Variants in AJAP1 observed in about 807,000 individuals in gnomAD.
AJAP1 encodes the protein adherens junctions associated protein 1, also known as adherens junction-associated protein 1.
AJAP1 carries 5 observed loss-of-function variants against 35.0 expected under a neutral mutation model. The ratio of observed to expected loss-of-function variants is 0.14; its 90% CI spans 0.07 to 0.30. The LOEUF (loss-of-function observed/expected upper bound fraction) is 0.30. AJAP1 is among the 10% of genes least tolerant of loss of function. AJAP1 has a pLI of 1.00. For synonymous variants in AJAP1, 284 were observed against 249.3 expected (o/e 1.14, Z -1.31); for missense variants, 586 against 571.0 (o/e 1.03, Z -0.27).
Position 4,660,778 on chromosome 1 carries a change from C to T in AJAP1, c.29+5324C>T, listed in dbSNP as rs115536367. On this transcript the variant is annotated intron_variant, in intron 1 of 5. Transcript: ENST00000378191. ...TATGTCTCTACCACATATTTTAGAA[C>T]GAAAAATTCAGCAGCATATGAACGT... Among the ~76,000 whole-genome samples, 970 of 152,136 alleles carry T rather than the reference C, an allele frequency of 6.4e-3. 10 individuals are homozygous for T. Among genetic ancestry groups the T allele is most frequent in the African/African-American group, 0.022 (915 of 41,510 alleles).
intron 2 of AJAP1, among the ~76,000 whole-genome samples, chr1:4,748,137 G>A (rs915914015): frequency 6.6e-6 from 1 of 152,030 alleles, no homozygotes; most frequent in African/African-American, 2.4e-5. Flanking sequence ...GACCTTCAGA[G>A]CCACTGCCTC....
At chr1:4,781,806 C>T (rs1201308959) in intron 5 of AJAP1, among the ~76,000 whole-genome samples, 1 of 152,228 alleles carries the variant, frequency 6.6e-6, no homozygotes, top group East Asian at 1.9e-4. Context: ...GGATGCTGAC[C>T]TACTGGGGGC....
chr1:4,787,747 G>A lies in AJAP1; in HGVS notation c.*5262G>A, dbSNP rs1310819441. On this transcript the variant is annotated 3_prime_UTR_variant, in exon 6 of 6. Transcript: ENST00000378191. ...AGGTCTCAGGTCAGCCAGGTCTCAA[G>A]GAGGATAAGGGGGTTCAACGTCAGC... 1 of 455,638 alleles carries A rather than the reference G, an allele frequency of 2.2e-6. No homozygotes were observed. The highest frequency in any genetic ancestry group is 2.4e-5 in the Admixed American group (1 of 42,448). The allele number at this position is 455,638 out of a possible 1,614,324, so 28.2% of individuals were successfully genotyped here.
chr1:4,664,495 CCCA>C (rs1639073163), intron 1 of AJAP1, among the ~76,000 whole-genome samples: 1 of 152,166 alleles, frequency 6.6e-6, no homozygotes, highest in Admixed American at 6.5e-5. Context: ...GGTGGTTGGG[CCCA>C]AGGGTCAGCC....
At chr1:4,677,504 T>G (rs1639387443) in intron 1 of AJAP1, among the ~76,000 whole-genome samples, 1 of 151,956 alleles carries the variant, frequency 6.6e-6, no homozygotes, top group African/African-American at 2.4e-5. Flanking sequence ...TCTCTCCTCT[T>G]TCCAGAGGGG....
Position 4,782,038 on chromosome 1 carries a change from T to C in AJAP1, c.*60-507T>C, listed in dbSNP as rs773163236. ...CAGTCCATTTATCTCTCCCGAATTC[T>C]GGCCTCGGGGATCCTGCAGCTGAGT... On this transcript the variant is annotated intron_variant, in intron 5 of 5. Transcript: ENST00000378191. This position sits in a 1 kb window ranked among gnomAD's most constrained non-coding sequence, Gnocchi z 5.3. 1.3e-5 allele frequency among the ~76,000 whole-genome samples: 2 copies of C among 152,190 alleles called. No individual in the cohort carries two copies. The highest frequency in any genetic ancestry group is 2.9e-5 in the Non-Finnish European group (2 of 68,026).
chr1:4,665,440 GC>G (rs1639095372), intron 1 of AJAP1, among the ~76,000 whole-genome samples: 1 of 152,132 alleles, frequency 6.6e-6, no homozygotes, highest in Admixed American at 6.5e-5. Context: ...AACACTCACA[GC>G]TCCAGGTTCC....
At chr1:4,667,788 C>A (rs1472637995) in intron 1 of AJAP1, among the ~76,000 whole-genome samples, 1 of 152,150 alleles carries the variant, frequency 6.6e-6, no homozygotes, top group African/African-American at 2.4e-5. Context: ...TCGTCCCACC[C>A]AAGCTGTGGG....
chr1:4,697,817 G>A (rs1009013367), intron 1 of AJAP1, among the ~76,000 whole-genome samples: 2 of 152,258 alleles, frequency 1.3e-5, no homozygotes, highest in African/African-American at 2.4e-5. Context: ...GGGCCAAGAT[G>A]CAGCGGCCAC....
In AJAP1 at chr1:4,783,804, G is replaced by A. The variant is rs1261701423; in HGVS notation, c.*1319G>A. On this transcript the variant is annotated 3_prime_UTR_variant, in exon 6 of 6. Transcript: ENST00000378191. ...GAATATATCCTTATGATGTGTGTGT[G>A]TAATATCAGGGCAGAACTTAGACAT... 1 of 151,994 alleles carries A rather than the reference G, an allele frequency of 6.6e-6. No individual in the cohort carries two copies. The highest frequency in any genetic ancestry group is 1.5e-5 in the Non-Finnish European group (1 of 68,000). 9.4% of individuals were successfully genotyped at this position (151,994 alleles called of 1,614,324 possible). A position where few individuals can be genotyped will look rare whatever the true frequency, so the allele number is the denominator to read the frequency against.
At chr1:4,694,452 C>T (rs1570120673) in intron 1 of AJAP1, among the ~76,000 whole-genome samples, 1 of 152,248 alleles carries the variant, frequency 6.6e-6, no homozygotes. Flanking sequence ...TTGGGAGACT[C>T]CTCTTCCCTG....
Position 4,723,999 on chromosome 1 carries a change from G to A in AJAP1, c.829+11300G>A, listed in dbSNP as rs954352373. On this transcript the variant is annotated intron_variant, in intron 2 of 5. Transcript: ENST00000378191. The surrounding 1 kb of genome is among the most constrained non-coding windows in gnomAD (Gnocchi z 4.3). Reference sequence around the variant, plus strand: ...GGTGTCCAAGAAAAGCCTGGTTTCCGAATTCTGTGTTTCTCCCCGAGGGCT... The same window carrying A: ...GGTGTCCAAGAAAAGCCTGGTTTCCAAATTCTGTGTTTCTCCCCGAGGGCT... 6.6e-6 allele frequency among the ~76,000 whole-genome samples: 1 copy of A among 152,140 alleles called. No individual in the cohort carries two copies. Among genetic ancestry groups the A allele is most frequent in the Admixed American group, 6.5e-5 (1 of 15,274 alleles).
rs775032867 is a variant in AJAP1 at position 4,787,702 on chromosome 1, G to A, written c.*5217G>A. 5 of 456,126 alleles carry A rather than the reference G, an allele frequency of 1.1e-5. No homozygotes were observed. The highest frequency in any genetic ancestry group is 2.2e-5 in the Non-Finnish European group (5 of 226,928). The allele number at this position is 456,126 out of a possible 1,614,324, so 28.3% of individuals were successfully genotyped here. ...AGCCCCTCCCATGTTGGTCCCATCT[G>A]TCAGGTTGCCAGGCCAAGCAGGTCT... On this transcript the variant is annotated 3_prime_UTR_variant, in exon 6 of 6. Coordinates refer to ENST00000378191, the MANE Select transcript of AJAP1 (RefSeq NM_018836.4).
chr1:4,678,319 C>T (rs1320711544), intron 1 of AJAP1, among the ~76,000 whole-genome samples: 1 of 152,212 alleles, frequency 6.6e-6, no homozygotes, highest in African/African-American at 2.4e-5. Flanking sequence ...ACATACTGCT[C>T]ATTCACAAAT....
intron 5 of AJAP1, among the ~76,000 whole-genome samples, chr1:4,781,699 A>G (rs2100376622): frequency 6.6e-6 from 1 of 152,240 alleles, no homozygotes; most frequent in South Asian, 2.1e-4. Flanking sequence ...ACAGCACCCC[A>G]TCCCTGTGAC....
chr1:4,774,546 T>C lies in AJAP1; in HGVS notation c.*47T>C, dbSNP rs389959. 0.27 allele frequency: 430,788 copies of C among 1,568,954 alleles called. 63,091 individuals carry two copies. Among genetic ancestry groups the C allele is most frequent in the Middle Eastern group, 0.32 (1,931 of 5,976 alleles). ...TCCTGGGGGCAGGGCAGACGCCGTG[T>C]GTCTGTTTCACGGTAGGTACCTCTC... is the stretch of plus-strand genomic sequence containing the variant. On this transcript the variant is annotated 3_prime_UTR_variant, in exon 5 of 6. Transcript: ENST00000378191.
At chr1:4,741,408 T>G (rs944527665) in intron 2 of AJAP1, among the ~76,000 whole-genome samples, 8 of 152,120 alleles carry the variant, frequency 5.3e-5, no homozygotes, top group Admixed American at 5.2e-4. Flanking sequence ...CCTTGACTTG[T>G]GGCCACACCA....
Position 4,712,231 on chromosome 1 carries a change from C to T in AJAP1, c.361C>T (p.Pro121Ser), listed in dbSNP as rs752139495. ...GCCCAAGGCAGGACTGGCCAAGCCCCCAGCTGCTGCCAAATCCAGCCCTTC... is the reference window on the plus strand; with the variant it reads ...GCCCAAGGCAGGACTGGCCAAGCCCTCAGCTGCTGCCAAATCCAGCCCTTC... ...LVPKAGLAKP[P>S]AAAKSSPSLA... The change falls in exon 2 of 6, where the codon CCA becomes TCA. Residue 121 changes from proline (P) to serine (S), a missense_variant. Transcript: ENST00000378191. 16 of 1,535,698 alleles carry T rather than the reference C, an allele frequency of 1.0e-5. 1 individual carries two copies. The highest frequency in any genetic ancestry group is 7.6e-5 in the South Asian group (6 of 79,456).
chr1:4,710,326 C>G (rs781639574), intron 1 of AJAP1, among the ~76,000 whole-genome samples: 1 of 151,908 alleles, frequency 6.6e-6, no homozygotes, highest in Non-Finnish European at 1.5e-5. Context: ...CTGGCCCTCA[C>G]TCACGCACAG....
Sources: allele counts gnomAD v4.1 joint callset (sites outside exome capture counted in the v4.1 genomes callset), GRCh38; gene constraint gnomAD v4.1.1; non-coding constraint Gnocchi (gnomAD v3.1); transcripts MANE v1.5; gene names NCBI Gene and HGNC (gene_info 2026-07-23, HGNC 2026-07-21).